ERCC5: variants seen among roughly 807,000 people sequenced by gnomAD.
ERCC5 encodes DNA excision repair protein ERCC-5.
In ERCC5, 68 loss-of-function variants were observed where a neutral mutation model predicts 105.6. The ratio of observed to expected loss-of-function variants is 0.64; its 90% CI spans 0.53 to 0.79. The LOEUF is 0.79. ERCC5 is among the 30% of genes least tolerant of loss of function. ERCC5 has a pLI of 0.00. For missense variants in ERCC5, 1,373 were observed against 1,426.7 expected (o/e 0.96, Z 0.61); for synonymous variants, 546 against 526.2 (o/e 1.04, Z -0.51).
intron 5 of ERCC5, among the ~76,000 whole-genome samples, chr13:102,857,801 C>T (rs915237028): frequency 9.2e-5 from 14 of 152,230 alleles, no homozygotes; most frequent in Non-Finnish European, 1.9e-4. Context: ...TTCCAAGTCC[C>T]TGCTCACACA....
chr13:102,853,632 G>A, intron 2 of ERCC5, 125 bp from the exon 3 acceptor site: 1 of 930,710 alleles, frequency 1.1e-6, no homozygotes, highest in Admixed American at 2.2e-5. Flanking sequence ...GCAATTAGGA[G>A]GAAATGCTAA....
chr13:102,854,015 T>G, intron 3 of ERCC5, 143 bp downstream of exon 3: 1 of 832,180 alleles, frequency 1.2e-6, no homozygotes, highest in East Asian at 2.7e-5. Flanking sequence ...GGCTGCCATT[T>G]TGACCTGGTA....
At chr13:102,858,466 A>G in intron 6 of ERCC5, 48 bp downstream of exon 6, 1 of 1,613,444 alleles carries the variant, frequency 6.2e-7, no homozygotes, top group Non-Finnish European at 8.5e-7. Flanking sequence ...GAACTTCAGC[A>G]AAACTTTTTA....
At chr13:102,869,715 C>T (rs1221315280) in intron 12 of ERCC5, among the ~76,000 whole-genome samples, 5 of 152,138 alleles carry the variant, frequency 3.3e-5, no homozygotes, top group Non-Finnish European at 5.9e-5. Context: ...TATTAACAGA[C>T]ATTGATTTGA....
chr13:102,869,742 G>A (rs1882972713), intron 12 of ERCC5, among the ~76,000 whole-genome samples: 1 of 152,070 alleles, frequency 6.6e-6, no homozygotes, highest in African/African-American at 2.4e-5. Flanking sequence ...TTAATCTTCG[G>A]GTTCTTATCT....
intron 11 of ERCC5, among the ~76,000 whole-genome samples, chr13:102,867,767 G>T (rs539232592): frequency 6.6e-6 from 1 of 152,274 alleles, no homozygotes; most frequent in East Asian, 1.9e-4. Flanking sequence ...GAGAAACGAA[G>T]TGTTCAGGTT....
At chr13:102,851,574 T>C (rs1882205758) in intron 1 of ERCC5, among the ~76,000 whole-genome samples, 2 of 152,174 alleles carry the variant, frequency 1.3e-5, no homozygotes, top group African/African-American at 4.8e-5. Flanking sequence ...ATTACAGGTG[T>C]GAGCCACCGC....
At chr13:102,855,406 C>A (rs988101092) in intron 4 of ERCC5, among the ~76,000 whole-genome samples, 1 of 152,074 alleles carries the variant, frequency 6.6e-6, no homozygotes. Flanking sequence ...CGTGCCACCA[C>A]ACCTGGCTAA....
chr13:102,861,517 A>G lies in ERCC5; in HGVS notation c.683A>G (p.Asp228Gly). 1 of 1,614,146 alleles carries G rather than the reference A, an allele frequency of 6.2e-7. No homozygotes were observed. Among genetic ancestry groups the G allele is most frequent in the South Asian group, 1.1e-5 (1 of 91,086 alleles). The change falls in exon 7 of 15, where the codon GAC becomes GGC. Residue 228 changes from aspartate to glycine, a missense_variant. Transcript: ENST00000652225. The part of the protein sequence containing the change: ...LFEAMPEESD[D>G]FSQYQLKGLL... ...TTATTTTGCCTTTAGGAGTCTGATG[A>G]CTTTTCACAGTACCAACTCAAAGGC... is the stretch of plus-strand genomic sequence containing the variant.
Position 102,846,317 on chromosome 13 carries a change from C to A in ERCC5, c.51C>A (p.Val17=), listed in dbSNP as rs768374740. 1 of 1,614,062 alleles carries A rather than the reference C, an allele frequency of 6.2e-7. No individual in the cohort carries two copies. The highest frequency in any genetic ancestry group is 8.5e-7 in the Non-Finnish European group (1 of 1,180,008). ...TGCTGGAGTGCTCCGGGCGGCAGGT[C>A]AGCCCCGAAGCGCTGGAAGGGAAGA... ...WKLLECSGRQ[V]SPEALEGKIL... The change falls in exon 1 of 15, where the codon GTC becomes GTA. Residue 17 remains valine, a synonymous_variant. Coordinates refer to ENST00000652225, the MANE Select transcript of ERCC5 (RefSeq NM_000123.4).
intron 1 of ERCC5, chr13:102,849,243 G>A (rs760837643): frequency 3.9e-6 from 2 of 518,360 alleles, no homozygotes; most frequent in Non-Finnish European, 3.9e-6. Context: ...TACTGTCTGC[G>A]TTAACTTGGG....
intron 12 of ERCC5, 132 bp from the exon 13 acceptor site, chr13:102,872,066 T>C (rs1182217165): frequency 1.9e-6 from 2 of 1,080,556 alleles, no homozygotes; most frequent in Non-Finnish European, 1.3e-6. Context: ...CTAAAATTAA[T>C]AAAATATTCT....
chr13:102,866,232 T>G, intron 9 of ERCC5, 30 bp from the exon 10 acceptor site: 1 of 1,611,450 alleles, frequency 6.2e-7, no homozygotes, highest in Non-Finnish European at 8.5e-7. Context: ...ATTATTAATA[T>G]AAATCTATAA....
chr13:102,849,242 C>T (rs775573876), intron 1 of ERCC5: 19 of 518,364 alleles, frequency 3.7e-5, no homozygotes, highest in Non-Finnish European at 1.5e-5. Flanking sequence ...CTACTGTCTG[C>T]GTTAACTTGG....
Position 102,863,083 on chromosome 13 carries a change from C to T in ERCC5, c.1934C>T (p.Ser645Leu), listed in dbSNP as rs189280373. ...PKAVEPMEID[S>L]EESESDGSFI... is the part of the protein sequence containing the mutation. ...GCCGTGGAACCAATGGAAATTGACT[C>T]GGAAGAAAGTGAATCTGATGGTACG... The change falls in exon 8 of 15, where the codon TCG (serine) becomes TTG (leucine). Residue 645 changes from serine to leucine, a missense_variant. By Grantham distance (145) the Ser-to-Leu change is moderately radical. Around this residue, in one of 3 missense-constraint regions of ERCC5, gnomAD observed 1,004 missense variants for 1,059.7 expected, o/e 0.95. Transcript: ENST00000652225. The T allele has an allele frequency of 2.2e-5, 35 of 1,613,830 alleles. No homozygotes were observed. The highest frequency in any genetic ancestry group is 1.1e-4 in the East Asian group (5 of 44,868).
In ERCC5 at chr13:102,862,592, G is replaced by A. The variant is rs1040832857; in HGVS notation, c.1443G>A (p.Val481=). The A allele has an allele frequency of 1.9e-6, 3 of 1,614,016 alleles. No individual in the cohort carries two copies. The change falls in exon 8 of 15, where the codon GTG becomes GTA. Residue 481 remains valine, a synonymous_variant. Transcript: ENST00000652225. ...AAGAACAAATGTCACTTGTTCACGT[G>A]GGGACTGAAGCCTTTCCGATAAGTG... ...VPKEQMSLVH[V]GTEAFPISDE... is the part of the protein sequence containing the mutation.
At chr13:102,848,423 TA>T (rs1458440721) in intron 1 of ERCC5, among the ~76,000 whole-genome samples, 1 of 152,252 alleles carries the variant, frequency 6.6e-6, no homozygotes, top group Non-Finnish European at 1.5e-5. Context: ...TTATACAGTC[TA>T]AATGTCTGTG....
intron 2 of ERCC5, 149 bp downstream of exon 2, chr13:102,852,442 T>C: frequency 1.1e-6 from 1 of 909,694 alleles, no homozygotes; most frequent in Non-Finnish European, 1.6e-6. Flanking sequence ...CTTTTTTATC[T>C]TGAACAATTA....
intron 13 of ERCC5, among the ~76,000 whole-genome samples, 186 bp from the exon 14 acceptor site, chr13:102,873,066 AAGAACAT>A (rs1326625296): frequency 2.0e-5 from 3 of 152,206 alleles, no homozygotes; most frequent in Non-Finnish European, 4.4e-5. Context: ...TAGAATTGAA[AAGAACAT>A]AGTGCCAGAT....
Sources: allele counts gnomAD v4.1 joint callset (sites outside exome capture counted in the v4.1 genomes callset), GRCh38; gene constraint gnomAD v4.1.1; regional missense constraint gnomAD v4.1.1; transcripts MANE v1.5; gene names NCBI Gene and HGNC (gene_info 2026-07-23, HGNC 2026-07-21).